The following ZC3HC1 variants were observed in gnomAD, a reference collection of about 807,000 sequenced individuals.
ZC3HC1 encodes the protein zinc finger C3HC-type containing 1.
ZC3HC1 carries 38 observed loss-of-function variants against 61.9 expected under a neutral mutation model. The ratio of observed to expected loss-of-function variants is 0.61; its 90% CI spans 0.47 to 0.81. The LOEUF (loss-of-function observed/expected upper bound fraction) is 0.81, where lower values mean the gene tolerates loss of function less well. Ranked by LOEUF, ZC3HC1 falls within the 30% of genes least tolerant of loss-of-function variation. The pLI is 0.00. For missense variants in ZC3HC1, 554 were observed against 622.7 expected, an observed-to-expected ratio of 0.89 and a Z score of 1.17; for synonymous variants, 213 against 229.9, an observed-to-expected ratio of 0.93 and a Z score of 0.67.
chr7:130,043,638 C>A, intron 2 of ZC3HC1: 1 of 234,862 alleles, frequency 4.3e-6, no homozygotes, highest in South Asian at 5.2e-5. Flanking sequence ...CTTCCCTTTC[C>A]TGAGCAATTC....
intron 4 of ZC3HC1, among the ~76,000 whole-genome samples, chr7:130,034,809 C>T (rs1794368052): frequency 1.3e-5 from 2 of 152,076 alleles, no homozygotes; most frequent in African/African-American, 4.8e-5. Context: ...TACTTTAAGT[C>T]CTTTTATGTC....
intron 1 of ZC3HC1, 99 bp from the exon 2 acceptor site, chr7:130,049,243 C>T (rs1312583702): frequency 6.4e-6 from 5 of 785,132 alleles, no homozygotes; most frequent in Middle Eastern, 2.5e-4. Context: ...ATCACACCAA[C>T]GCTGGATTTT....
chr7:130,024,073 C>G (rs967777450), intron 7 of ZC3HC1, among the ~76,000 whole-genome samples, 190 bp downstream of exon 7: 3 of 152,116 alleles, frequency 2.0e-5, no homozygotes, highest in Non-Finnish European at 4.4e-5. Flanking sequence ...GTGCTGGGAT[C>G]ATAGGCGTGA....
chr7:130,024,652 C>T (rs1298484910), intron 6 of ZC3HC1, 146 bp from the exon 7 acceptor site: 1 of 905,656 alleles, frequency 1.1e-6, no homozygotes, highest in South Asian at 1.9e-5. Flanking sequence ...AGTCTCAGGA[C>T]CCAGCTTCAT....
chr7:130,050,403 G>A, intron 1 of ZC3HC1: 1 of 1,532,522 alleles, frequency 6.5e-7, no homozygotes, highest in Admixed American at 2.0e-5. Flanking sequence ...ATAAAAATAG[G>A]ATTACATCAA....
At position 130,039,544 on chromosome 7, in the gene ZC3HC1, T is replaced by G; in HGVS notation, c.413A>C (p.Lys138Thr). 6.2e-7 allele frequency: 1 copy of G among 1,608,010 alleles called. No homozygotes were observed. The highest frequency in any genetic ancestry group is 8.5e-7 in the Non-Finnish European group (1 of 1,178,396). Residue 138 changes from lysine to threonine, a missense_variant, in exon 4 of 10, where the codon AAG becomes ACG. Lys to Thr is a moderately conservative substitution (Grantham distance 78, BLOSUM62 -1). Coordinates refer to ENST00000358303, the MANE Select transcript of ZC3HC1 (RefSeq NM_016478.5). ...LQPAFDFDRY[K>T]QRCAELKKAL... ...TTTCTTCAGCTCAGCACATCGTTGC[T>G]TATCTGAAATCCACATAAACAGCAA...
intron 4 of ZC3HC1, among the ~76,000 whole-genome samples, chr7:130,030,661 A>T (rs1449475597): frequency 1.3e-5 from 2 of 151,612 alleles, no homozygotes; most frequent in East Asian, 2.0e-4. Flanking sequence ...TGCTCAACAA[A>T]GTCACTCATA....
chr7:130,039,076 C>A (rs1331274557), intron 4 of ZC3HC1, among the ~76,000 whole-genome samples: 1 of 151,922 alleles, frequency 6.6e-6, no homozygotes, highest in East Asian at 1.9e-4. Context: ...CAGTGGATCA[C>A]CCCTGTAATC....
intron 9 of ZC3HC1, among the ~76,000 whole-genome samples, chr7:130,019,054 C>CTTTTTTTTT (rs397746688): frequency 7.5e-6 from 1 of 132,982 alleles, no homozygotes. Flanking sequence ...ACTGGTTTTT[C>CTTTTTTTTT]TTTTTTTTTT....
rs1162126026 is a variant in ZC3HC1, at chr7:130,024,865, C to CAAT, written c.777-360_777-359insATT. 6.5e-5 allele frequency among the ~76,000 whole-genome samples: 9 copies of CAAT among 138,602 alleles called. No individual in the cohort carries two copies. The Admixed American group carries it at 6.6e-4, about 10-fold the overall frequency. 90.9% of individuals were successfully genotyped at this position (138,602 alleles called of 152,430 possible). A position where few individuals can be genotyped will look rare whatever the true frequency, so the allele number is the denominator to read the frequency against. On this transcript the variant is annotated intron_variant, in intron 6 of 9. Coordinates refer to ENST00000358303, the MANE Select transcript of ZC3HC1 (RefSeq NM_016478.5). ...TCGAGACCAGCCTGACCAACAACAA[C>CAAT]AACAACACAAAAAGTTTCTCCTGTC...
intron 4 of ZC3HC1, among the ~76,000 whole-genome samples, chr7:130,039,067 A>G (rs1352211918): frequency 6.6e-6 from 1 of 152,126 alleles, no homozygotes; most frequent in African/African-American, 2.4e-5. Flanking sequence ...GGCCGGGCAC[A>G]GTGGATCACC....
At chr7:130,037,864 G>T (rs1324190107) in intron 4 of ZC3HC1, among the ~76,000 whole-genome samples, 7 of 152,280 alleles carry the variant, frequency 4.6e-5, no homozygotes, top group African/African-American at 1.7e-4. Flanking sequence ...TGGGTCTAAA[G>T]AATTTTTTTA....
chr7:130,042,831 C>T (rs528869777), intron 2 of ZC3HC1, among the ~76,000 whole-genome samples: 36 of 152,182 alleles, frequency 2.4e-4, no homozygotes, highest in African/African-American at 4.1e-4. Flanking sequence ...TATAGGCGTG[C>T]GCCACCATGC....
intron 1 of ZC3HC1, among the ~76,000 whole-genome samples, chr7:130,049,941 A>T (rs1477003652): frequency 1.3e-5 from 2 of 151,774 alleles, no homozygotes; most frequent in South Asian, 2.1e-4. Context: ...AAAAAGAACC[A>T]ATTAGAAAAT....
chr7:130,044,576 A>G (rs1233344641), intron 2 of ZC3HC1, among the ~76,000 whole-genome samples: 4 of 152,226 alleles, frequency 2.6e-5, no homozygotes, highest in Non-Finnish European at 5.9e-5. Flanking sequence ...TAACCCATTG[A>G]ATAACAAAGA....
At chr7:130,027,888 G>C (rs575325562) in intron 5 of ZC3HC1, among the ~76,000 whole-genome samples, 1 of 152,034 alleles carries the variant, frequency 6.6e-6, no homozygotes, top group East Asian at 2.0e-4. Flanking sequence ...AAAAATGATG[G>C]CCGGGTGTGG....
Position 130,049,063 on chromosome 7 carries a change from T to G in ZC3HC1, c.228A>C (p.Glu76Asp). 1.2e-6 allele frequency: 2 copies of G among 1,607,940 alleles called. No individual in the cohort carries two copies. The highest frequency in any genetic ancestry group is 2.7e-5 in the African/African-American group (2 of 74,866). ...ATGTTTCCACTCTGCTAAAGAAGGC[T>G]TCTTTGCTTGTAGATTCCAATGAAG... ...EQPSLESTSK[E>D]AFFSRVETFS... The change falls in exon 2 of 10, where the codon GAA becomes GAC. Residue 76 changes from glutamate (E) to aspartate (D), a missense_variant. Transcript: ENST00000358303.
chr7:130,030,106 T>C (rs1183544112), intron 4 of ZC3HC1, among the ~76,000 whole-genome samples: 1 of 151,788 alleles, frequency 6.6e-6, no homozygotes, highest in Non-Finnish European at 1.5e-5. Context: ...CAAAGGCAAA[T>C]GATGAGTGCA....
chr7:130,041,237 G>C (rs1241804741), intron 2 of ZC3HC1, 136 bp from the exon 3 acceptor site: 3 of 967,170 alleles, frequency 3.1e-6, no homozygotes, highest in South Asian at 2.0e-5. Context: ...TCCCAGGCTG[G>C]AGTGCAGTGG....
Sources: allele counts gnomAD v4.1 joint callset (sites outside exome capture counted in the v4.1 genomes callset), GRCh38; gene constraint gnomAD v4.1.1; transcripts MANE v1.5; gene names NCBI Gene and HGNC (gene_info 2026-07-23, HGNC 2026-07-21).